Variants in TRIM14 observed in about 807,000 individuals in gnomAD.
The protein encoded by TRIM14 is tripartite motif-containing protein 14.
In TRIM14, 28 loss-of-function variants were observed where a neutral mutation model predicts 44.5. The ratio of observed to expected loss-of-function variants is 0.63; its 90% CI spans 0.47 to 0.86. The LOEUF is 0.86. Among genes scored for constraint, TRIM14 ranks in the 40% least tolerant of loss-of-function variants. TRIM14 has a pLI of 0.00. For missense variants in TRIM14, 607 were observed against 611.1 expected, an observed-to-expected ratio of 0.99 and a Z score of 0.07; for synonymous variants, 299 against 269.2, an observed-to-expected ratio of 1.11 and a Z score of -1.08.
chr9:98,097,002 T>A (rs1037864814), intron 3 of TRIM14, among the ~76,000 whole-genome samples: 4 of 152,182 alleles, frequency 2.6e-5, no homozygotes, highest in Non-Finnish European at 5.9e-5. Flanking sequence ...GAGACCAGCC[T>A]GGCCAACATG....
chr9:98,106,262 A>G (rs114781226), intron 2 of TRIM14, among the ~76,000 whole-genome samples: 8 of 152,392 alleles, frequency 5.2e-5, no homozygotes, highest in African/African-American at 1.9e-4. Flanking sequence ...CATTAAAAGC[A>G]TATGCATATA....
intron 1 of TRIM14, among the ~76,000 whole-genome samples, chr9:98,117,719 G>A (rs896794678): frequency 6.6e-6 from 1 of 152,142 alleles, no homozygotes; most frequent in African/African-American, 2.4e-5. Context: ...TGAATCTATG[G>A]TCCCAGTTGG....
At chr9:98,062,922 AATTTT>A in the TRIM14 span, among the ~76,000 whole-genome samples, 8 of 151,466 alleles carry the variant, frequency 5.3e-5, no homozygotes, top group East Asian at 3.9e-4. Flanking sequence ...AAGTTTCTTC[AATTTT>A]ATTTTATTTT....
At chr9:98,041,431 C>T in the TRIM14 span, among the ~76,000 whole-genome samples, 11 of 152,004 alleles carry the variant, frequency 7.2e-5, no homozygotes, top group East Asian at 1.4e-3. Flanking sequence ...GTAATCCACC[C>T]GCCTCGGCCT....
intron 6 of TRIM14, chr9:98,077,079 C>T: frequency 8.2e-7 from 1 of 1,213,330 alleles, no homozygotes; most frequent in Non-Finnish European, 1.2e-6. Context: ...TTTTACTCCC[C>T]TCATGGTGGC....
At chr9:98,073,574 C>T (rs1307180858) in intron 6 of TRIM14, among the ~76,000 whole-genome samples, 2 of 149,730 alleles carry the variant, frequency 1.3e-5, no homozygotes, top group African/African-American at 2.5e-5. Flanking sequence ...TGAGCCACCG[C>T]GCCTGGCCTG....
chr9:98,061,182 A>G, the TRIM14 span: 1 of 614,054 alleles, frequency 1.6e-6, no homozygotes, highest in South Asian at 2.0e-5. Context: ...TGTTTTAAAA[A>G]CACATTGTCT....
chr9:98,043,952 C>T, the TRIM14 span, among the ~76,000 whole-genome samples: 1 of 151,922 alleles, frequency 6.6e-6, no homozygotes, highest in African/African-American at 2.4e-5. Context: ...CTAAGAGTGC[C>T]CCAAAAGGGG....
intron 2 of TRIM14, among the ~76,000 whole-genome samples, chr9:98,106,718 T>C (rs1177993741): frequency 6.6e-6 from 1 of 152,174 alleles, no homozygotes; most frequent in East Asian, 1.9e-4. Context: ...ACCATATTCA[T>C]GGATTGGAAG....
At chr9:98,093,826 AC>A (rs1280698647) in intron 4 of TRIM14, among the ~76,000 whole-genome samples, 2 of 151,964 alleles carry the variant, frequency 1.3e-5, no homozygotes, top group African/African-American at 4.8e-5. Context: ...ACTCACTGCA[AC>A]CTCCACCTCC....
intron 4 of TRIM14, chr9:98,092,621 C>T: frequency 4.7e-6 from 1 of 213,708 alleles, no homozygotes; most frequent in South Asian, 5.1e-5. Context: ...CTCCTTACAT[C>T]TTTTAAGTTC....
At chr9:98,077,901 A>G (rs1401673308) in intron 6 of TRIM14, among the ~76,000 whole-genome samples, 2 of 152,202 alleles carry the variant, frequency 1.3e-5, no homozygotes, top group East Asian at 3.9e-4. Context: ...ACAACCTATT[A>G]ATCAGATAAG....
chr9:98,069,994 T>C (rs943492035), intron 6 of TRIM14, among the ~76,000 whole-genome samples: 7 of 152,246 alleles, frequency 4.6e-5, no homozygotes, highest in African/African-American at 1.7e-4. Context: ...TACAAGACAT[T>C]ACCATTGGGG....
chr9:98,053,694 G>A, the TRIM14 span, among the ~76,000 whole-genome samples: 2 of 151,696 alleles, frequency 1.3e-5, no homozygotes, highest in African/African-American at 2.4e-5. Flanking sequence ...TACCCTTTTT[G>A]CCGGCATACC....
At chr9:98,081,212 C>A, downstream of TRIM14, 1 of 1,239,658 alleles carries the variant, frequency 8.1e-7, no homozygotes, top group South Asian at 1.5e-5. Context: ...TGTGCTCCCA[C>A]CCGTGTCAGC....
At chr9:98,101,039 G>A (rs1039674260) in intron 2 of TRIM14, among the ~76,000 whole-genome samples, 4 of 152,126 alleles carry the variant, frequency 2.6e-5, no homozygotes, top group Admixed American at 6.5e-5. Flanking sequence ...GCAGTGGTGC[G>A]ATCTTGGCTC....
the TRIM14 span, among the ~76,000 whole-genome samples, chr9:98,038,825 C>A: frequency 1.3e-5 from 2 of 151,766 alleles, no homozygotes; most frequent in African/African-American, 2.4e-5. Context: ...CCGAGGCAGG[C>A]GGATTATGAG....
chr9:98,118,938 T>A (rs889110726), intron 1 of TRIM14, 44 bp downstream of exon 1: 1 of 1,452,352 alleles, frequency 6.9e-7, no homozygotes, highest in African/African-American at 1.5e-5. Flanking sequence ...CTGGGCTGGC[T>A]CCCCCAACTC....
chr9:98,105,808 C>G (rs943571495), intron 2 of TRIM14, among the ~76,000 whole-genome samples: 1 of 152,080 alleles, frequency 6.6e-6, no homozygotes. Context: ...AAGGAGTGAC[C>G]TGCATCAAGT....
Sources: gnomAD v4.1 joint callset for allele counts (sites outside exome capture counted in the v4.1 genomes callset) on GRCh38, gnomAD v4.1.1 for gene constraint, MANE v1.5 for transcripts, NCBI Gene and HGNC (gene_info 2026-07-23, HGNC 2026-07-21) for gene names.